The following PRLR variants were observed in gnomAD, a reference collection of about 807,000 sequenced individuals.
PRLR encodes prolactin receptor.
PRLR carries 13 observed loss-of-function variants against 40.2 expected under a neutral mutation model. The ratio of observed to expected loss-of-function variants is 0.32; its 90% CI spans 0.21 to 0.51. The LOEUF (loss-of-function observed/expected upper bound fraction) is 0.51, where lower values mean the gene tolerates loss of function less well. Among genes scored for constraint, PRLR ranks in the 20% least tolerant of loss-of-function variants. The pLI is 0.97. For missense variants in PRLR, 656 were observed against 747.3 expected (o/e 0.88, Z 1.42); for synonymous variants, 269 against 278.7 (o/e 0.97, Z 0.35).
At chr5:35,092,590 C>T (rs940548544) in intron 2 of PRLR, among the ~76,000 whole-genome samples, 4 of 152,154 alleles carry the variant, frequency 2.6e-5, no homozygotes, top group Non-Finnish European at 5.9e-5. Flanking sequence ...GCATTGCACT[C>T]AAGATCTTGA....
intron 1 of PRLR, among the ~76,000 whole-genome samples, chr5:35,171,684 C>G (rs1025977129): frequency 1.8e-4 from 27 of 152,086 alleles, no homozygotes; most frequent in African/African-American, 6.5e-4. Context: ...AATTTGCCAA[C>G]TGAAACAGGA....
At chr5:35,131,115 C>A (rs575117042) in intron 1 of PRLR, among the ~76,000 whole-genome samples, 10 of 152,322 alleles carry the variant, frequency 6.6e-5, no homozygotes, top group African/African-American at 2.2e-4. Flanking sequence ...TAAACTAATA[C>A]AGATGATTTA....
intron 1 of PRLR, among the ~76,000 whole-genome samples, chr5:35,217,522 G>A (rs1359034464): frequency 1.3e-5 from 2 of 152,160 alleles, no homozygotes; most frequent in Admixed American, 1.3e-4. Context: ...ACTACTGGGG[G>A]ATCAGCAATA....
chr5:35,206,264 C>T (rs1274281697), intron 1 of PRLR, among the ~76,000 whole-genome samples: 3 of 151,896 alleles, frequency 2.0e-5, no homozygotes, highest in Non-Finnish European at 2.9e-5. Flanking sequence ...ATGTAGATGA[C>T]CTACATTATA....
intron 1 of PRLR, among the ~76,000 whole-genome samples, chr5:35,158,011 AT>A (rs535051779): frequency 6.3e-4 from 96 of 152,334 alleles, no homozygotes; most frequent in African/African-American, 2.3e-3. Context: ...CACTTTGAGT[AT>A]TTAGAGAACC....
intron 2 of PRLR, among the ~76,000 whole-genome samples, chr5:35,099,623 C>A (rs1258518017): frequency 6.6e-6 from 1 of 152,122 alleles, no homozygotes; most frequent in Non-Finnish European, 1.5e-5. Flanking sequence ...GAGCTGACAG[C>A]TCCGTGCATG....
At chr5:35,141,013 T>C (rs971583757) in intron 1 of PRLR, among the ~76,000 whole-genome samples, 5 of 152,168 alleles carry the variant, frequency 3.3e-5, no homozygotes, top group Admixed American at 2.0e-4. Context: ...TAAGAACTTC[T>C]GGGAAAGCTC....
rs1331308983 is a variant in PRLR, at chr5:35,204,602, A to G, written c.-106+25666T>C. ...AGTTTCAAAGGATTTCCTGGTAGCCATAAAGAACATAATTCTAAGAAATAG... is the reference window on the plus strand; with the variant it reads ...AGTTTCAAAGGATTTCCTGGTAGCCGTAAAGAACATAATTCTAAGAAATAG... On this transcript the variant is annotated intron_variant, in intron 1 of 9. Coordinates refer to ENST00000618457, the MANE Select transcript of PRLR (RefSeq NM_000949.7). Among the ~76,000 whole-genome samples the G allele has an allele frequency of 3.3e-5, 5 of 152,210 alleles. No homozygotes were observed. In the East Asian group the frequency reaches 9.6e-4, roughly 29 times the overall value.
intron 1 of PRLR, among the ~76,000 whole-genome samples, chr5:35,200,977 C>A (rs1473809850): frequency 1.3e-5 from 2 of 152,084 alleles, no homozygotes. Context: ...CTACTTTTTC[C>A]TTCCAATTTT....
chr5:35,048,993 A>AG, exon 9 of PRLR: 1 of 439,676 alleles, frequency 2.3e-6, no homozygotes, highest in East Asian at 5.7e-5. Context: ...CACCTGCATA[A>AG]CAACCTTTTA....
At chr5:35,222,716 CTT>C (rs1776455184) in intron 1 of PRLR, among the ~76,000 whole-genome samples, 1 of 151,992 alleles carries the variant, frequency 6.6e-6, no homozygotes, top group South Asian at 2.1e-4. Flanking sequence ...GGTAGACTCA[CTT>C]TGGGAGTTTA....
chr5:35,113,378 T>TATCCATCCATCC (rs753971139), intron 2 of PRLR, among the ~76,000 whole-genome samples: 5 of 105,578 alleles, frequency 4.7e-5, no homozygotes, highest in African/African-American at 1.2e-4. Flanking sequence ...CCCACCCATT[T>TATCCATCCATCC]ATCCATCCAT....
chr5:35,163,273 G>A (rs902759397), intron 1 of PRLR, among the ~76,000 whole-genome samples: 1 of 152,010 alleles, frequency 6.6e-6, no homozygotes, highest in Admixed American at 6.6e-5. Context: ...TTTCATGGCC[G>A]TGCGACAAGG....
chr5:35,139,947 GAAAAT>G (rs1773968566), intron 1 of PRLR, among the ~76,000 whole-genome samples: 1 of 151,908 alleles, frequency 6.6e-6, no homozygotes, highest in African/African-American at 2.4e-5. Context: ...AGCAAGTAGA[GAAAAT>G]AAAAGTCTTT....
chr5:35,211,469 C>T (rs1277096107), intron 1 of PRLR, among the ~76,000 whole-genome samples: 2 of 152,172 alleles, frequency 1.3e-5, no homozygotes, highest in African/African-American at 4.8e-5. Context: ...AAGATTTGAA[C>T]TATTCTGTCT....
intron 2 of PRLR, among the ~76,000 whole-genome samples, chr5:35,102,565 C>T (rs183670276): frequency 4.5e-4 from 57 of 127,080 alleles, no homozygotes; most frequent in Admixed American, 2.0e-3. Flanking sequence ...CTTTCTTTGA[C>T]GGAGTCTTGC....
intron 1 of PRLR, among the ~76,000 whole-genome samples, chr5:35,156,791 T>C (rs1055074922): frequency 1.3e-5 from 2 of 152,154 alleles, no homozygotes; most frequent in Non-Finnish European, 2.9e-5. Flanking sequence ...TCCTCCAAAC[T>C]TCTAGACAAC....
At chr5:35,053,107 T>A (rs574806014), downstream of PRLR, among the ~76,000 whole-genome samples, 1 of 152,296 alleles carries the variant, frequency 6.6e-6, no homozygotes, top group East Asian at 1.9e-4. Context: ...AATAGTGAAC[T>A]TTTCATAGCA....
chr5:35,174,711 C>T (rs2111957258), intron 1 of PRLR, among the ~76,000 whole-genome samples: 1 of 152,306 alleles, frequency 6.6e-6, no homozygotes, highest in Non-Finnish European at 1.5e-5. Flanking sequence ...ATGACCAGAA[C>T]CTTATTCCTA....
Sources: gnomAD v4.1 joint callset for allele counts (sites outside exome capture counted in the v4.1 genomes callset) on GRCh38, gnomAD v4.1.1 for gene constraint, MANE v1.5 for transcripts, NCBI Gene and HGNC (gene_info 2026-07-23, HGNC 2026-07-21) for gene names.